Variants in STK32C observed in about 807,000 individuals in gnomAD.
The protein encoded by STK32C is serine/threonine kinase 32C.
In STK32C, 31 loss-of-function variants were observed where a neutral mutation model predicts 56.5. That is an observed-to-expected ratio of 0.55 (90% confidence interval 0.41 to 0.74). The LOEUF (loss-of-function observed/expected upper bound fraction) is 0.74. Ranked by LOEUF, STK32C falls within the 30% of genes least tolerant of loss-of-function variation. The pLI is 0.00. For missense variants in STK32C, 544 were observed against 676.9 expected (o/e 0.80, Z 2.18); for synonymous variants, 309 against 289.4 (o/e 1.07, Z -0.69).
chr10:132,306,220 C>T (rs777965323), intron 1 of STK32C, among the ~76,000 whole-genome samples: 22 of 152,262 alleles, frequency 1.4e-4, no homozygotes, highest in Non-Finnish European at 2.6e-4. Context: ...TGGCTGACAC[C>T]AGCAAGTGCT....
intron 1 of STK32C, among the ~76,000 whole-genome samples, chr10:132,254,836 C>T (rs2064050146): frequency 6.6e-6 from 1 of 152,200 alleles, no homozygotes; most frequent in Non-Finnish European, 1.5e-5. Flanking sequence ...ATCAGCTCTG[C>T]TCCTGACACC....
chr10:132,265,398 A>C (rs1430585935), intron 1 of STK32C, among the ~76,000 whole-genome samples: 1 of 152,198 alleles, frequency 6.6e-6, no homozygotes. Flanking sequence ...AGGAAGAGCC[A>C]GTCCTGGGCT....
chr10:132,219,671 T>C (rs1438877750), intron 10 of STK32C, among the ~76,000 whole-genome samples: 1 of 152,090 alleles, frequency 6.6e-6, no homozygotes, highest in Non-Finnish European at 1.5e-5. Context: ...CCAGCAATTC[T>C]GCCTGAGGAC....
chr10:132,260,009 C>T (rs777603760), intron 1 of STK32C, among the ~76,000 whole-genome samples: 9 of 152,148 alleles, frequency 5.9e-5, no homozygotes, highest in Middle Eastern at 3.4e-3. Flanking sequence ...GCAGAGCGCA[C>T]GCATCACGGA....
chr10:132,326,848 A>G (rs998761030), intron 1 of STK32C, among the ~76,000 whole-genome samples: 5 of 152,188 alleles, frequency 3.3e-5, no homozygotes, highest in Non-Finnish European at 7.3e-5. Flanking sequence ...CTTGACAGAG[A>G]AGAGGGGTCC....
rs144375075 is a variant in STK32C, at chr10:132,266,436, G to A, written c.263-20481C>T. Among the ~76,000 whole-genome samples, 20 of 152,256 alleles carry A rather than the reference G, an allele frequency of 1.3e-4. No individual in the cohort carries two copies. In the East Asian group the frequency reaches 3.9e-3, roughly 29 times the overall value. On this transcript the variant is annotated intron_variant, in intron 1 of 11. Transcript: ENST00000298630. ...TGCCCATCTGTCAAAACATCAATCT[G>A]CATACTCACATCTGTGCCCTTGACT...
chr10:132,280,433 T>TCCGTGATCACGCCACTGCACC (rs2138223907), intron 1 of STK32C, among the ~76,000 whole-genome samples: 2 of 134,920 alleles, frequency 1.5e-5, no homozygotes, highest in East Asian at 4.5e-4. Context: ...ACCACTGCAC[T>TCCGTGATCACGCCACTGCACC]CCGTGATCAC....
At chr10:132,280,345 C>T (rs1444267728) in intron 1 of STK32C, among the ~76,000 whole-genome samples, 1 of 138,596 alleles carries the variant, frequency 7.2e-6, no homozygotes, top group East Asian at 2.3e-4. Flanking sequence ...GCTGAGGCCT[C>T]CACTCCGTGA....
chr10:132,243,747 G>A (rs1055485125), intron 2 of STK32C, among the ~76,000 whole-genome samples: 12 of 152,310 alleles, frequency 7.9e-5, no homozygotes, highest in Non-Finnish European at 1.5e-4. Context: ...CATGGCCCTG[G>A]TGGTAGAGCA....
rs112520251 is a variant in STK32C at position 132,324,219 on chromosome 10, T to C, written c.*15A>G. 42 of 779,524 alleles carry C rather than the reference T, an allele frequency of 5.4e-5. 4 individuals carry two copies. Among genetic ancestry groups the C allele is most frequent in the African/African-American group, 1.5e-4 (9 of 59,216 alleles). 48.3% of individuals were successfully genotyped at this position (779,524 alleles called of 1,614,324 possible). A position where few individuals can be genotyped will look rare whatever the true frequency, so the allele number is the denominator to read the frequency against. On this transcript the variant is annotated 3_prime_UTR_variant, in exon 2 of 2. Coordinates refer to the STK32C transcript ENST00000368619. ...TCACCACTTTGGCTCATCTGAGAAA[T>C]TCATTAACAATTCATTACACACCCC...
chr10:132,230,340 G>A (rs972311459), intron 2 of STK32C, among the ~76,000 whole-genome samples: 1 of 152,246 alleles, frequency 6.6e-6, no homozygotes, highest in Admixed American at 6.5e-5. Flanking sequence ...TGGCTCGGCA[G>A]CACGGCCTTC....
At chr10:132,327,043 T>C (rs539904394) in intron 1 of STK32C, among the ~76,000 whole-genome samples, 2 of 152,268 alleles carry the variant, frequency 1.3e-5, no homozygotes, top group South Asian at 2.1e-4. Flanking sequence ...CTGGGCAAGA[T>C]GGTATTGCAA....
chr10:132,212,888 A>G (rs933581368), intron 10 of STK32C, among the ~76,000 whole-genome samples: 24 of 152,384 alleles, frequency 1.6e-4, no homozygotes, highest in Admixed American at 1.5e-3. Context: ...CTGGAGAGAC[A>G]GGTGAGCAAA....
rs2062771688 is a variant in STK32C, at chr10:132,223,774, C to T, written c.993+633G>A. ...CCCGTGTGGCACACTCACTCCCCTC[C>T]CTGTCCTGCCTGGGCCTGGCTCTGA... On this transcript the variant is annotated intron_variant, in intron 8 of 11. Transcript: ENST00000298630. 2.0e-5 allele frequency among the ~76,000 whole-genome samples: 3 copies of T among 152,216 alleles called. No homozygotes were observed. The South Asian group carries it at 6.2e-4, about 31-fold the overall frequency.
intron 1 of STK32C, among the ~76,000 whole-genome samples, chr10:132,262,309 A>G (rs907084731): frequency 1.3e-5 from 2 of 152,212 alleles, no homozygotes; most frequent in Admixed American, 1.3e-4. Context: ...CAAAGACTGA[A>G]ATGTAAGACC....
chr10:132,266,745 G>A (rs540934458), intron 1 of STK32C, among the ~76,000 whole-genome samples: 1 of 151,870 alleles, frequency 6.6e-6, no homozygotes, highest in Non-Finnish European at 1.5e-5. Context: ...AGCTCCATGG[G>A]GTGGAAGGAG....
downstream of STK32C, among the ~76,000 whole-genome samples, chr10:132,319,154 G>A (rs892843707): frequency 8.8e-5 from 13 of 147,422 alleles, no homozygotes; most frequent in Non-Finnish European, 1.9e-4. Flanking sequence ...TCACCATGTT[G>A]GCCAGGCTGG....
chr10:132,322,466 A>G (rs772977246), downstream of STK32C, among the ~76,000 whole-genome samples: 1 of 152,126 alleles, frequency 6.6e-6, no homozygotes, highest in Non-Finnish European at 1.5e-5. Flanking sequence ...TGGTGTTTTT[A>G]TATCTTGTTT....
rs543756368 is a variant in STK32C at position 132,207,792 on chromosome 10, G to A, written c.*218C>T. ...TTCCTCCATCTAGGCGGGTCTCGGGGGCCCACGGGAAATGCCCTCCACAGG... is the reference window on the plus strand; with the variant it reads ...TTCCTCCATCTAGGCGGGTCTCGGGAGCCCACGGGAAATGCCCTCCACAGG... On this transcript the variant is annotated 3_prime_UTR_variant, in exon 12 of 12. Transcript: ENST00000298630. 10 of 523,384 alleles carry A rather than the reference G, an allele frequency of 1.9e-5. No individual in the cohort carries two copies. The highest frequency in any genetic ancestry group is 9.8e-5 in the African/African-American group (5 of 50,984). 32.4% of individuals were successfully genotyped at this position (523,384 alleles called of 1,614,324 possible). A position where few individuals can be genotyped will look rare whatever the true frequency, so the allele number is the denominator to read the frequency against.
Sources: allele counts gnomAD v4.1 joint callset (sites outside exome capture counted in the v4.1 genomes callset), GRCh38; gene constraint gnomAD v4.1.1; transcripts MANE v1.5; gene names NCBI Gene and HGNC (gene_info 2026-07-23, HGNC 2026-07-21).